Variants in IQCB1 observed in about 807,000 individuals in gnomAD.
The protein encoded by IQCB1 is IQ calmodulin-binding motif-containing protein 1.
In IQCB1, 56 loss-of-function variants were observed where a neutral mutation model predicts 84.4. That is an observed-to-expected ratio of 0.66 (90% CI 0.54 to 0.83). IQCB1 has a LOEUF of 0.83. Ranked by LOEUF, IQCB1 falls within the 40% of genes least tolerant of loss-of-function variation. The pLI is 0.00. For synonymous variants in IQCB1, 210 were observed against 234.8 expected (o/e 0.89, Z 0.96); for missense variants, 629 against 682.1 (o/e 0.92, Z 0.87).
rs1359769033 is a variant in IQCB1 at position 121,769,821 on chromosome 3, G to A, written c.*524C>T. On this transcript the variant is annotated 3_prime_UTR_variant, in exon 15 of 15. Coordinates refer to ENST00000310864, the MANE Select transcript of IQCB1 (RefSeq NM_001023570.4). ...TTTTTTTGGTATGCAGTTCCTTTTAGAAATAACAAAATAGAAAATGAGTTC... is the reference window on the plus strand; with the variant it reads ...TTTTTTTGGTATGCAGTTCCTTTTAAAAATAACAAAATAGAAAATGAGTTC... 2 of 153,896 alleles carry A rather than the reference G, an allele frequency of 1.3e-5. No homozygotes were observed. Among genetic ancestry groups the A allele is most frequent in the African/African-American group, 4.8e-5 (2 of 41,450 alleles). 9.5% of individuals were successfully genotyped at this position (153,896 alleles called of 1,614,324 possible). A position where few individuals can be genotyped will look rare whatever the true frequency, so the allele number is the denominator to read the frequency against.
At chr3:121,797,060 C>T in intron 9 of IQCB1, 58 bp downstream of exon 9, 1 of 883,290 alleles carries the variant, frequency 1.1e-6, no homozygotes, top group Non-Finnish European at 1.9e-6. Flanking sequence ...TTAAGGAAAA[C>T]TAAGGTTTAA....
chr3:121,776,066 A>G (rs912676440), intron 13 of IQCB1, among the ~76,000 whole-genome samples: 1 of 151,760 alleles, frequency 6.6e-6, no homozygotes, highest in African/African-American at 2.4e-5. Flanking sequence ...TTTTCTTTAA[A>G]AATTTTTTTT....
intron 7 of IQCB1, among the ~76,000 whole-genome samples, chr3:121,806,042 T>G (rs1168444660): frequency 2.6e-5 from 4 of 152,276 alleles, no homozygotes; most frequent in Admixed American, 2.0e-4. Flanking sequence ...TCTCTGGGCT[T>G]ACTTTCTTTC....
At chr3:121,832,763 G>A (rs1461325125) in intron 2 of IQCB1, among the ~76,000 whole-genome samples, 2 of 151,888 alleles carry the variant, frequency 1.3e-5, no homozygotes, top group African/African-American at 4.8e-5. Flanking sequence ...TTTTGGTTTT[G>A]TTTTCCTTAC....
At chr3:121,825,903 A>G (rs1950449704) in intron 5 of IQCB1, 148 bp downstream of exon 5, 1 of 780,532 alleles carries the variant, frequency 1.3e-6, no homozygotes, top group South Asian at 1.8e-5. Flanking sequence ...AAACATAGAG[A>G]TGATTTTTGG....
intron 12 of IQCB1, among the ~76,000 whole-genome samples, chr3:121,787,914 A>G (rs1341739515): frequency 1.3e-5 from 2 of 152,240 alleles, no homozygotes; most frequent in Admixed American, 6.5e-5. Flanking sequence ...TCTGATCCAC[A>G]TAACAACTGA....
intron 10 of IQCB1, among the ~76,000 whole-genome samples, chr3:121,790,759 G>A (rs1576560316): frequency 6.7e-6 from 1 of 150,254 alleles, no homozygotes; most frequent in East Asian, 1.9e-4. Flanking sequence ...TCAAAATTGT[G>A]TCAAAAAACT....
At chr3:121,804,828 C>T (rs970731208) in intron 7 of IQCB1, among the ~76,000 whole-genome samples, 1 of 152,144 alleles carries the variant, frequency 6.6e-6, no homozygotes, top group Non-Finnish European at 1.5e-5. Context: ...GCCTGCTTTA[C>T]GTACTCTGAT....
chr3:121,771,249 G>A (rs892861729), intron 14 of IQCB1, among the ~76,000 whole-genome samples: 6 of 152,042 alleles, frequency 3.9e-5, no homozygotes, highest in Non-Finnish European at 5.9e-5. Flanking sequence ...TGGGATTACA[G>A]GCGTGAGCCA....
At position 121,799,303 on chromosome 3, in the gene IQCB1, G is replaced by A. The variant is rs747327805; in HGVS notation, c.659C>T (p.Ser220Leu). The part of the protein sequence containing the change: ...ILDEVIFKLF[S>L]TPSPVIRSTA... Reference sequence around the variant, plus strand: ...ACTTCTTATAACTGGACTAGGAGTTGAAAAAAGCTTGAAAATAACTTCATC... The same window carrying A: ...ACTTCTTATAACTGGACTAGGAGTTAAAAAAAGCTTGAAAATAACTTCATC... The change falls in exon 8 of 15, where the codon TCA becomes TTA. Residue 220 changes from serine (S) to leucine (L), a missense_variant. By Grantham distance (145) the Ser-to-Leu change is moderately radical. Transcript: ENST00000310864. 2 of 1,605,298 alleles carry A rather than the reference G, an allele frequency of 1.2e-6. No homozygotes were observed. The highest frequency in any genetic ancestry group is 1.7e-6 in the Non-Finnish European group (2 of 1,173,698).
chr3:121,788,641 CAT>C (rs1184863938), intron 11 of IQCB1, among the ~76,000 whole-genome samples: 2 of 150,094 alleles, frequency 1.3e-5, no homozygotes, highest in African/African-American at 4.9e-5. Context: ...AGAAAGAACT[CAT>C]ATAATATTTT....
At chr3:121,782,233 T>G (rs1948527523) in intron 12 of IQCB1, among the ~76,000 whole-genome samples, 1 of 152,256 alleles carries the variant, frequency 6.6e-6, no homozygotes, top group African/African-American at 2.4e-5. Context: ...TTCTTAATTC[T>G]ACACAGCCTA....
chr3:121,823,546 G>T (rs1950347539), intron 5 of IQCB1, among the ~76,000 whole-genome samples: 1 of 151,966 alleles, frequency 6.6e-6, no homozygotes, highest in South Asian at 2.1e-4. Flanking sequence ...GAAGACAATG[G>T]AAAAAAATCT....
rs71133577 is a variant in IQCB1, at chr3:121,831,179, A to ATTTTTTTTT, written c.-12-2216_-12-2208dup. Among the ~76,000 whole-genome samples the ATTTTTTTTT allele has an allele frequency of 2.0e-4, 26 of 129,594 alleles. 4 individuals are homozygous for ATTTTTTTTT. Among genetic ancestry groups the ATTTTTTTTT allele is most frequent in the Admixed American group, 3.3e-4 (4 of 12,198 alleles). 85.0% of individuals were successfully genotyped at this position (129,594 alleles called of 152,430 possible). On this transcript the variant is annotated intron_variant, in intron 2 of 14. Transcript: ENST00000310864. ...TGCATCTCTTCATTTGTATCCTAGT[A>ATTTTTTTTT]TTTTTTTTTGGAGACAGGATCTCAC... is the stretch of plus-strand genomic sequence containing the variant.
intron 12 of IQCB1, among the ~76,000 whole-genome samples, chr3:121,786,594 TA>T (rs1192303444): frequency 6.6e-6 from 1 of 152,176 alleles, no homozygotes; most frequent in Non-Finnish European, 1.5e-5. Context: ...GCAAAGACTA[TA>T]AACATGACCT....
At chr3:121,795,720 T>C (rs910254572) in intron 9 of IQCB1, among the ~76,000 whole-genome samples, 154 bp from the exon 10 acceptor site, 1 of 152,140 alleles carries the variant, frequency 6.6e-6, no homozygotes, top group Non-Finnish European at 1.5e-5. Context: ...AAAGGAGGTA[T>C]GTTAGGCTTG....
At chr3:121,805,126 A>T (rs1410857163) in intron 7 of IQCB1, among the ~76,000 whole-genome samples, 2 of 152,154 alleles carry the variant, frequency 1.3e-5, no homozygotes, top group Non-Finnish European at 2.9e-5. Flanking sequence ...ATTCCAACAT[A>T]TGTACCAGTC....
At chr3:121,800,320 A>T (rs1484109374) in intron 7 of IQCB1, among the ~76,000 whole-genome samples, 1 of 151,936 alleles carries the variant, frequency 6.6e-6, no homozygotes, top group Non-Finnish European at 1.5e-5. Flanking sequence ...AGTTGCATAA[A>T]ATTTTGAGCA....
intron 14 of IQCB1, among the ~76,000 whole-genome samples, chr3:121,771,991 T>C (rs897954038): frequency 3.3e-5 from 5 of 151,984 alleles, no homozygotes; most frequent in African/African-American, 1.2e-4. Context: ...CTGGCCAACA[T>C]GGTGAAACTC....
Sources: gnomAD v4.1 joint callset for allele counts (sites outside exome capture counted in the v4.1 genomes callset) on GRCh38, gnomAD v4.1.1 for gene constraint, MANE v1.5 for transcripts, NCBI Gene and HGNC (gene_info 2026-07-23, HGNC 2026-07-21) for gene names.